The following ADAD1 variants were observed in gnomAD, a reference collection of about 807,000 sequenced individuals.
ADAD1 encodes the protein adenosine deaminase domain containing 1.
In ADAD1, 46 loss-of-function variants were observed where a neutral mutation model predicts 66.8. The ratio of observed to expected loss-of-function variants is 0.69; its 90% confidence interval spans 0.54 to 0.88. The LOEUF (loss-of-function observed/expected upper bound fraction) is 0.88, where lower values mean the gene tolerates loss of function less well. Among genes scored for constraint, ADAD1 ranks in the 40% least tolerant of loss-of-function variants. The pLI is 0.00. For missense variants in ADAD1, 617 were observed against 681.8 expected (o/e 0.91, Z 1.06); for synonymous variants, 248 against 229.4 (o/e 1.08, Z -0.73).
chr4:122,384,488 G>A (rs1330693942), intron 5 of ADAD1, among the ~76,000 whole-genome samples: 2 of 152,188 alleles, frequency 1.3e-5, no homozygotes, highest in Non-Finnish European at 2.9e-5. Flanking sequence ...GGAGAGGGGA[G>A]ACAGTGATAG....
chr4:122,411,237 A>G lies in ADAD1; in HGVS notation c.864A>G (p.Gln288=). 1 of 1,598,268 alleles carries G rather than the reference A, an allele frequency of 6.3e-7. No individual in the cohort carries two copies. The highest frequency in any genetic ancestry group is 1.1e-5 in the South Asian group (1 of 87,064). Residue 288 remains glutamine, a synonymous_variant, in exon 9 of 13, where the codon CAA becomes CAG. Transcript: ENST00000296513. ...RRSLLRYFYR[Q]LLLFYSKNPA... ...TTTATTTTAGGTACTTTTATAGACA[A>G]CTTCTGCTCTTCTACAGCAAAAATC...
intron 3 of ADAD1, 40 bp from the exon 4 acceptor site, chr4:122,380,952 T>C (rs181659314): frequency 1.3e-6 from 2 of 1,537,582 alleles, no homozygotes; most frequent in African/African-American, 2.8e-5. Flanking sequence ...TTTGTTTGTT[T>C]GTTTTAAACC....
intron 8 of ADAD1, among the ~76,000 whole-genome samples, chr4:122,408,700 C>G (rs1796333340): frequency 6.6e-6 from 1 of 150,832 alleles, no homozygotes; most frequent in Non-Finnish European, 1.5e-5. Flanking sequence ...GCCTGGGCAA[C>G]ATTGTGGGAC....
intron 12 of ADAD1, among the ~76,000 whole-genome samples, chr4:122,423,869 A>G (rs921517426): frequency 1.3e-5 from 2 of 152,226 alleles, no homozygotes; most frequent in African/African-American, 4.8e-5. Context: ...ATTAGGAGTG[A>G]CTGCTAATAG....
intron 11 of ADAD1, 78 bp downstream of exon 11, chr4:122,415,694 C>G (rs1226556935): frequency 8.5e-7 from 1 of 1,174,874 alleles, no homozygotes; most frequent in East Asian, 2.4e-5. Context: ...TATTCTGACT[C>G]TTTTGGATAC....
At chr4:122,385,775 T>C (rs1451795463) in intron 5 of ADAD1, among the ~76,000 whole-genome samples, 9 of 152,176 alleles carry the variant, frequency 5.9e-5, no homozygotes, top group East Asian at 1.9e-4. Context: ...CTCCCACTTA[T>C]GAGTGAGAAC....
At chr4:122,427,704 T>C (rs564813135) in intron 12 of ADAD1, among the ~76,000 whole-genome samples, 1 of 151,842 alleles carries the variant, frequency 6.6e-6, no homozygotes, top group African/African-American at 2.4e-5. Context: ...CCGGCTAATT[T>C]TTTGTATCTT....
At chr4:122,420,972 G>A (rs186696410) in intron 11 of ADAD1, among the ~76,000 whole-genome samples, 3 of 152,110 alleles carry the variant, frequency 2.0e-5, no homozygotes, top group South Asian at 4.1e-4. Context: ...TAGAACTGCT[G>A]TTTAATTTGT....
intron 7 of ADAD1, among the ~76,000 whole-genome samples, chr4:122,401,362 C>A (rs1341719174): frequency 6.6e-6 from 1 of 152,024 alleles, no homozygotes; most frequent in Non-Finnish European, 1.5e-5. Flanking sequence ...TGAGAGAGTA[C>A]TTGATATAAT....
intron 7 of ADAD1, among the ~76,000 whole-genome samples, chr4:122,401,178 C>T (rs561029812): frequency 7.9e-5 from 12 of 152,110 alleles, no homozygotes; most frequent in South Asian, 2.1e-4. Context: ...TGCTGTATCC[C>T]AGAGGTTTTG....
rs1277581009 is a variant in ADAD1, at chr4:122,379,107, C to A, written c.-91C>A. ...AATGAGGGATTTTCTTGAAACAACC[C>A]TCACGCAGGTACCCCTTGGGCAGCC... On this transcript the variant is annotated 5_prime_UTR_variant, in exon 1 of 13. Transcript: ENST00000296513. The A allele has an allele frequency of 6.6e-6, 1 of 152,346 alleles. No individual in the cohort carries two copies. The highest frequency in any genetic ancestry group is 1.5e-5 in the Non-Finnish European group (1 of 68,068). 9.4% of individuals were successfully genotyped at this position (152,346 alleles called of 1,614,324 possible).
intron 8 of ADAD1, among the ~76,000 whole-genome samples, chr4:122,410,917 A>G (rs1178867856): frequency 6.6e-6 from 1 of 152,174 alleles, no homozygotes; most frequent in Non-Finnish European, 1.5e-5. Context: ...GAAGGGAGCA[A>G]TCAGTAGAGA....
intron 7 of ADAD1, among the ~76,000 whole-genome samples, chr4:122,402,056 TG>T (rs1243321981): frequency 2.9e-5 from 4 of 139,874 alleles, no homozygotes; most frequent in Admixed American, 6.9e-5. Context: ...ATACCTTGGG[TG>T]TTTTTTTTTT....
intron 7 of ADAD1, among the ~76,000 whole-genome samples, chr4:122,401,192 G>T (rs1220176940): frequency 6.6e-6 from 1 of 151,930 alleles, no homozygotes; most frequent in Non-Finnish European, 1.5e-5. Flanking sequence ...GGTTTTGATA[G>T]ATTGTGTCAC....
At chr4:122,393,788 A>G in intron 6 of ADAD1, 131 bp downstream of exon 6, 1 of 607,774 alleles carries the variant, frequency 1.6e-6, no homozygotes, top group Non-Finnish European at 2.5e-6. Flanking sequence ...TCACACTTCT[A>G]CAAAAAGAAG....
At chr4:122,420,810 G>T (rs1330722886) in intron 11 of ADAD1, among the ~76,000 whole-genome samples, 1 of 152,098 alleles carries the variant, frequency 6.6e-6, no homozygotes, top group South Asian at 2.1e-4. Flanking sequence ...ATGTGTATAT[G>T]TTACACTTTT....
intron 7 of ADAD1, among the ~76,000 whole-genome samples, chr4:122,401,224 A>G (rs1795963721): frequency 6.6e-6 from 1 of 152,074 alleles, no homozygotes; most frequent in Non-Finnish European, 1.5e-5. Context: ...AGTTCAAATA[A>G]TTTTTTAATT....
chr4:122,421,481 GT>G lies in ADAD1; in HGVS notation c.1617+93del, dbSNP rs1410754762. 11 of 1,188,416 alleles carry G rather than the reference GT, an allele frequency of 9.3e-6. No homozygotes were observed. In the African/African-American group the frequency reaches 1.5e-4, roughly 17 times the overall value. 73.6% of individuals were successfully genotyped at this position (1,188,416 alleles called of 1,614,324 possible). On this transcript the variant is annotated intron_variant, in intron 12 of 12. Coordinates refer to ENST00000296513, the MANE Select transcript of ADAD1 (RefSeq NM_139243.4). ...AAATGGTTATCCTTAGCAAAAGTTT[GT>G]TGAATACTTCCTGAATATAAGATAT...
chr4:122,384,126 G>C (rs1795044998), intron 5 of ADAD1, among the ~76,000 whole-genome samples, 160 bp downstream of exon 5: 1 of 152,186 alleles, frequency 6.6e-6, no homozygotes, highest in Non-Finnish European at 1.5e-5. Flanking sequence ...GTATTTAATA[G>C]TAGTTAAAAT....
Sources: allele counts gnomAD v4.1 joint callset (sites outside exome capture counted in the v4.1 genomes callset), GRCh38; gene constraint gnomAD v4.1.1; transcripts MANE v1.5; gene names NCBI Gene and HGNC (gene_info 2026-07-23, HGNC 2026-07-21).